Variants in TMOD2 observed in about 807,000 individuals in gnomAD.
The protein encoded by TMOD2 is tropomodulin 2.
TMOD2 carries 22 observed loss-of-function variants against 39.9 expected under a neutral mutation model. That is an observed-to-expected ratio of 0.55 (90% CI 0.39 to 0.79). The LOEUF is 0.79. Ranked by LOEUF, TMOD2 falls within the 30% of genes least tolerant of loss-of-function variation. The pLI, the probability that TMOD2 is intolerant of heterozygous loss-of-function variation, is 0.00. For missense variants in TMOD2, 386 were observed against 413.3 expected (o/e 0.93, Z 0.57); for synonymous variants, 123 against 146.1 (o/e 0.84, Z 1.14).
rs766839628 is a variant in TMOD2, at chr15:51,773,741, A to G, written c.313A>G (p.Ile105Val). 2 of 1,612,440 alleles carry G rather than the reference A, an allele frequency of 1.2e-6. No individual in the cohort carries two copies. The highest frequency in any genetic ancestry group is 1.7e-6 in the Non-Finnish European group (2 of 1,179,514). The change falls in exon 4 of 10, where the codon ATA becomes GTA. Residue 105 changes from isoleucine (I) to valine (V), a missense_variant. Physicochemically the swap from Ile to Val is conservative, Grantham distance 29 (BLOSUM62 3). Coordinates refer to ENST00000249700, the MANE Select transcript of TMOD2 (RefSeq NM_014548.4). ...AGTCTTTATCCCTAAAGAAAAGCCT[A>G]TAGAAACTCGTAAAGAAGAAAAAGT... ...GRVFIPKEKP[I>V]ETRKEEKVTL... is the part of the protein sequence containing the mutation.
At chr15:51,773,336 G>A (rs557193852) in intron 3 of TMOD2, among the ~76,000 whole-genome samples, 1 of 152,334 alleles carries the variant, frequency 6.6e-6, no homozygotes, top group Admixed American at 6.5e-5. Context: ...CTCCCCTGGA[G>A]GGGAGAGGTA....
chr15:51,759,382 G>C (rs978192862), intron 1 of TMOD2, among the ~76,000 whole-genome samples: 1 of 152,148 alleles, frequency 6.6e-6, no homozygotes, highest in Non-Finnish European at 1.5e-5. Flanking sequence ...TGAAGATACA[G>C]ATTTTGGAAT....
At position 51,809,079 on chromosome 15, in the gene TMOD2, CTATT is replaced by C. The variant is rs1326630519; in HGVS notation, c.*630_*633del. 1.3e-5 allele frequency: 2 copies of C among 152,544 alleles called. No individual in the cohort carries two copies. Among genetic ancestry groups the C allele is most frequent in the Non-Finnish European group, 2.9e-5 (2 of 68,038 alleles). The allele number at this position is 152,544 out of a possible 1,614,324, so 9.4% of individuals were successfully genotyped here. ...CACTTTAAAACAGTAGCAAAGAAGTCTATTTATTAACCCACAAATGTAGCATCAA... is the reference window on the plus strand; with the variant it reads ...CACTTTAAAACAGTAGCAAAGAAGTCTATTAACCCACAAATGTAGCATCAA... On this transcript the variant is annotated 3_prime_UTR_variant, in exon 10 of 10. Coordinates refer to ENST00000249700, the MANE Select transcript of TMOD2 (RefSeq NM_014548.4).
rs2056144221 is a variant in TMOD2 at position 51,809,744 on chromosome 15, T to G, written c.*1290T>G. 6.6e-6 allele frequency: 1 copy of G among 152,160 alleles called. No homozygotes were observed. The highest frequency in any genetic ancestry group is 1.5e-5 in the Non-Finnish European group (1 of 68,036). 9.4% of individuals were successfully genotyped at this position (152,160 alleles called of 1,614,324 possible). ...CTCTATTCCTCCTTTCTCCCCTCCC[T>G]TTCTTCCAATTCATTGTCTTTTTTT... On this transcript the variant is annotated 3_prime_UTR_variant, in exon 10 of 10. Coordinates refer to ENST00000249700, the MANE Select transcript of TMOD2 (RefSeq NM_014548.4).
Position 51,796,959 on chromosome 15 carries a change from T to C in TMOD2, c.733-1238T>C, listed in dbSNP as rs74015778. Among the ~76,000 whole-genome samples the C allele has an allele frequency of 6.8e-3, 1,040 of 152,312 alleles. 14 individuals are homozygous for C. The highest frequency in any genetic ancestry group is 0.024 in the African/African-American group (1,003 of 41,566). ...AAAAGCAGACAGTGTCATTGGTTCA[T>C]AGGCAGGGACAGCACGGAGATGCTG... On this transcript the variant is annotated intron_variant, in intron 7 of 9. Transcript: ENST00000249700.
At chr15:51,763,745 G>T (rs534679350) in intron 1 of TMOD2, among the ~76,000 whole-genome samples, 17 of 152,302 alleles carry the variant, frequency 1.1e-4, no homozygotes, top group Non-Finnish European at 1.5e-4. Context: ...TGCTAGTTTT[G>T]AAGTTGGTGC....
intron 2 of TMOD2, 22 bp from the exon 3 acceptor site, chr15:51,768,240 G>A: frequency 6.2e-7 from 1 of 1,613,832 alleles, no homozygotes; most frequent in South Asian, 1.1e-5. Flanking sequence ...CTTCCTTCCT[G>A]CTCACACCTC....
At chr15:51,772,745 AC>A (rs1156694518) in intron 3 of TMOD2, among the ~76,000 whole-genome samples, 1 of 152,048 alleles carries the variant, frequency 6.6e-6, no homozygotes, top group Non-Finnish European at 1.5e-5. Context: ...TCCCCAGGTC[AC>A]TACACTAGCC....
At chr15:51,776,890 G>A in intron 4 of TMOD2, 42 bp from the exon 5 acceptor site, 3 of 1,502,732 alleles carry the variant, frequency 2.0e-6, no homozygotes, top group South Asian at 1.1e-5. Flanking sequence ...ACATCCTAAT[G>A]TGCTTCTCCA....
chr15:51,768,733 A>T (rs556008384), intron 3 of TMOD2, among the ~76,000 whole-genome samples: 1 of 151,882 alleles, frequency 6.6e-6, no homozygotes, highest in East Asian at 1.9e-4. Flanking sequence ...CATGAACTAG[A>T]TTCAGTATTT....
rs144565727 is a variant in TMOD2 at position 51,766,543 on chromosome 15, T to C, written c.102T>C (p.Asn34=). 1.2e-6 allele frequency: 2 copies of C among 1,614,080 alleles called. No homozygotes were observed. The highest frequency in any genetic ancestry group is 1.7e-6 in the Non-Finnish European group (2 of 1,179,986). The change falls in exon 2 of 10, where the codon AAT becomes AAC. Residue 34 remains asparagine, a synonymous_variant. Coordinates refer to ENST00000249700, the MANE Select transcript of TMOD2 (RefSeq NM_014548.4). The stretch of plus-strand genomic sequence containing the variant: ...AAGAGGAACTGAAACAGTTGGAAAA[T>C]GTTCTAGATGACCTAGATCCTGAGG... ...LSEEELKQLE[N]VLDDLDPESA... is the part of the protein sequence containing the mutation.
At chr15:51,771,069 G>C (rs2055850631) in intron 3 of TMOD2, among the ~76,000 whole-genome samples, 1 of 152,190 alleles carries the variant, frequency 6.6e-6, no homozygotes, top group East Asian at 1.9e-4. Context: ...TCATGATCAA[G>C]ATTAATCTCC....
At chr15:51,759,192 A>T (rs1209940495) in intron 1 of TMOD2, among the ~76,000 whole-genome samples, 1 of 124,686 alleles carries the variant, frequency 8.0e-6, no homozygotes, top group Non-Finnish European at 1.8e-5. Context: ...GACGAGAGAG[A>T]GAAGATGTTA....
intron 3 of TMOD2, among the ~76,000 whole-genome samples, chr15:51,772,676 T>C (rs954685701): frequency 6.6e-6 from 1 of 152,196 alleles, no homozygotes; most frequent in Non-Finnish European, 1.5e-5. Context: ...CCGAGTATAG[T>C]GACCCTGATT....
At position 51,808,403 on chromosome 15, in the gene TMOD2, C is replaced by CT. The variant is rs755344306; in HGVS notation, c.1022-14dup. 1 of 1,605,702 alleles carries CT rather than the reference C, an allele frequency of 6.2e-7. No homozygotes were observed. The highest frequency in any genetic ancestry group is 8.5e-7 in the Non-Finnish European group (1 of 1,175,582). ...ATCCCTTCAATTTGTCTTTTTGTTC[C>CT]TTTCTTTCTTACCTAGTTCGTAAGA... On this transcript the variant is annotated splice_polypyrimidine_tract_variant and intron_variant, in intron 9 of 9. Transcript: ENST00000249700.
rs1273453575 is a variant in TMOD2 at position 51,782,765 on chromosome 15, G to C, written c.669G>C (p.Glu223Asp). Residue 223 changes from glutamate to aspartate, a missense_variant, in exon 7 of 10, where the codon GAG (glutamate) becomes GAC (aspartate). Coordinates refer to ENST00000249700, the MANE Select transcript of TMOD2 (RefSeq NM_014548.4). The part of the protein sequence containing the change: ...PTLREFAKAL[E>D]TNTHVKKFSL... The stretch of plus-strand genomic sequence containing the variant: ...TGAGGGAATTTGCAAAGGCTCTGGA[G>C]ACCAACACTCACGTGAAGAAGTTCA... 2 of 1,614,038 alleles carry C rather than the reference G, an allele frequency of 1.2e-6. No individual in the cohort carries two copies. Among genetic ancestry groups the C allele is most frequent in the Non-Finnish European group, 1.7e-6 (2 of 1,179,916 alleles).
At chr15:51,776,851 G>T (rs2055892434) in intron 4 of TMOD2, 81 bp from the exon 5 acceptor site, 7 of 1,143,168 alleles carry the variant, frequency 6.1e-6, no homozygotes, top group Non-Finnish European at 7.9e-6. Context: ...GTAAAGAATT[G>T]TTCTTCAAGG....
intron 7 of TMOD2, among the ~76,000 whole-genome samples, chr15:51,795,005 A>G (rs1311411920): frequency 2.6e-5 from 4 of 152,200 alleles, no homozygotes; most frequent in African/African-American, 9.6e-5. Flanking sequence ...GGGCCTTACA[A>G]TGTAGTGACT....
At chr15:51,774,274 C>T (rs2055872922) in intron 4 of TMOD2, among the ~76,000 whole-genome samples, 1 of 152,066 alleles carries the variant, frequency 6.6e-6, no homozygotes, top group Non-Finnish European at 1.5e-5. Flanking sequence ...ACAATAGCAA[C>T]ATGATAATAA....
Sources: gnomAD v4.1 joint callset for allele counts (sites outside exome capture counted in the v4.1 genomes callset) on GRCh38, gnomAD v4.1.1 for gene constraint, MANE v1.5 for transcripts, NCBI Gene and HGNC (gene_info 2026-07-23, HGNC 2026-07-21) for gene names.